The following CNTN4 variants were observed in gnomAD, a reference collection of about 807,000 sequenced individuals.
CNTN4 encodes contactin 4.
A neutral mutation model predicts 122.5 loss-of-function variants in CNTN4; 77 were observed. The observed-to-expected ratio is 0.63, with a 90% CI of 0.52 to 0.76. CNTN4 has a LOEUF of 0.76. Ranked by LOEUF, CNTN4 falls within the 30% of genes least tolerant of loss-of-function variation. CNTN4 has a pLI of 0.00. For synonymous variants in CNTN4, 512 were observed against 447.0 expected (o/e 1.15, Z -1.83); for missense variants, 1,256 against 1,259.1 (o/e 1.00, Z 0.04).
chr3:2,456,630 C>T (rs1324097893), intron 3 of CNTN4, among the ~76,000 whole-genome samples: 3 of 152,110 alleles, frequency 2.0e-5, no homozygotes, highest in Non-Finnish European at 4.4e-5. Flanking sequence ...ATGTAACCTT[C>T]TGTGTCTAGC....
intron 17 of CNTN4, 50 bp downstream of exon 17, chr3:3,034,840 G>C: frequency 4.4e-6 from 7 of 1,582,504 alleles, no homozygotes; most frequent in Non-Finnish European, 6.1e-6. Context: ...CAGCATACTG[G>C]ACACAGCACT....
rs545463892 is a variant in CNTN4 at position 2,115,272 on chromosome 3, G to T, written c.-145+14633G>T. Among the ~76,000 whole-genome samples the T allele has an allele frequency of 2.0e-5, 3 of 152,342 alleles. No homozygotes were observed. The South Asian group carries it at 6.2e-4, about 32-fold the overall frequency. ...ACTGTGTCAGTGTCCTGGCCCCACT[G>T]AACATGGTGTGTGGTCCAATATTAA... On this transcript the variant is annotated intron_variant, in intron 2 of 24. Transcript: ENST00000418658.
intron 3 of CNTN4, among the ~76,000 whole-genome samples, chr3:2,534,808 G>A (rs2077734952): frequency 1.7e-5 from 1 of 59,222 alleles, no homozygotes; most frequent in Non-Finnish European, 4.4e-5. Context: ...CACCAAATGA[G>A]GGAACAATGT....
rs562671935 is a variant in CNTN4 at position 2,101,339 on chromosome 3, C to G, written c.-145+700C>G. ...AAATAAAGCTGCTCAGCAGAAAATT[C>G]CCATGCATGGTACTGACTTTTCTAC... On this transcript the variant is annotated intron_variant, in intron 2 of 24. Coordinates refer to ENST00000418658, the MANE Select transcript of CNTN4 (RefSeq NM_175607.3). 2.0e-3 allele frequency among the ~76,000 whole-genome samples: 307 copies of G among 152,272 alleles called. 3 individuals are homozygous for G. Among genetic ancestry groups the G allele is most frequent in the African/African-American group, 7.0e-3 (291 of 41,562 alleles).
At chr3:2,778,169 G>C (rs1171632168) in intron 6 of CNTN4, among the ~76,000 whole-genome samples, 5 of 140,528 alleles carry the variant, frequency 3.6e-5, no homozygotes, top group Non-Finnish European at 7.7e-5. Flanking sequence ...AGCCGAGATC[G>C]CGCCACTGCA....
intron 4 of CNTN4, among the ~76,000 whole-genome samples, chr3:2,697,622 T>C (rs1211470731): frequency 6.6e-6 from 1 of 152,168 alleles, no homozygotes; most frequent in Non-Finnish European, 1.5e-5. Context: ...TATCAGACAA[T>C]ATATATTTTT....
At chr3:2,330,557 T>C (rs549274160) in intron 2 of CNTN4, among the ~76,000 whole-genome samples, 33 of 152,272 alleles carry the variant, frequency 2.2e-4, no homozygotes, top group Non-Finnish European at 3.7e-4. Context: ...ATATTTCTTA[T>C]TCTAAAGCAC....
At chr3:2,139,702 G>A (rs1265362824) in intron 2 of CNTN4, among the ~76,000 whole-genome samples, 1 of 152,196 alleles carries the variant, frequency 6.6e-6, no homozygotes, top group Non-Finnish European at 1.5e-5. Flanking sequence ...TGGTTGGGGA[G>A]TGTCACACCA....
chr3:2,195,214 T>C (rs186549896), intron 2 of CNTN4, among the ~76,000 whole-genome samples: 2 of 152,352 alleles, frequency 1.3e-5, no homozygotes, highest in Non-Finnish European at 2.9e-5. Context: ...TAGCATGACA[T>C]CCTCCAGATT....
chr3:2,925,416 G>A (rs186395032), intron 12 of CNTN4, among the ~76,000 whole-genome samples: 311 of 152,174 alleles, frequency 2.0e-3, no homozygotes, highest in Admixed American at 3.1e-3. Context: ...ACCTGGGCGT[G>A]GTCATGCGTG....
rs769818216 is a variant in CNTN4 at position 2,745,566 on chromosome 3, G to A, written c.227G>A (p.Arg76His). Residue 76 changes from arginine (R) to histidine (H), a missense_variant, in exon 6 of 25, where the codon CGC becomes CAC. Arg to His is a conservative substitution (Grantham distance 29). Coordinates refer to ENST00000418658, the MANE Select transcript of CNTN4 (RefSeq NM_175607.3). Reference sequence around the variant, plus strand: ...GATGTTGACACTGGTATGGATTTCCGCTACAGTGTTGTTGAAGGGAGCTTG... The same window carrying A: ...GATGTTGACACTGGTATGGATTTCCACTACAGTGTTGTTGAAGGGAGCTTG... ...GTDVDTGMDF[R>H]YSVVEGSLLI... 50 of 1,613,974 alleles carry A rather than the reference G, an allele frequency of 3.1e-5. No homozygotes were observed. The highest frequency in any genetic ancestry group is 8.3e-5 in the Admixed American group (5 of 60,008).
Position 2,448,206 on chromosome 3 carries a change from G to T in CNTN4, c.-89+108973G>T, listed in dbSNP as rs866082709. Among the ~76,000 whole-genome samples, 3 of 152,286 alleles carry T rather than the reference G, an allele frequency of 2.0e-5. No individual in the cohort carries two copies. The Middle Eastern group carries it at 0.01, about 518-fold the overall frequency. The stretch of plus-strand genomic sequence containing the variant: ...GAAGCCTGGTGGGGGAAAAGCTGTG[G>T]GGCACGCAAGAGAAAGAGGTCACAA... On this transcript the variant is annotated intron_variant, in intron 3 of 24. Transcript: ENST00000418658.
intron 2 of CNTN4, among the ~76,000 whole-genome samples, chr3:2,326,485 TACAC>T (rs10557917): frequency 0.032 from 4,083 of 126,028 alleles, 61 homozygotes; most frequent in Middle Eastern, 0.053. Flanking sequence ...CTAATAAATT[TACAC>T]ACACACACAC....
intron 2 of CNTN4, among the ~76,000 whole-genome samples, chr3:2,175,394 C>T (rs776914011): frequency 6.6e-6 from 1 of 151,838 alleles, no homozygotes; most frequent in Non-Finnish European, 1.5e-5. Flanking sequence ...TTTATTTCAA[C>T]AAGGAAAAAA....
intron 4 of CNTN4, among the ~76,000 whole-genome samples, chr3:2,714,602 C>T (rs1244010746): frequency 2.0e-5 from 3 of 152,074 alleles, no homozygotes; most frequent in African/African-American, 7.2e-5. Flanking sequence ...AAAGACAAGG[C>T]AATTATAGGC....
intron 2 of CNTN4, among the ~76,000 whole-genome samples, chr3:2,230,436 A>G (rs1481047963): frequency 6.6e-6 from 1 of 152,184 alleles, no homozygotes; most frequent in Non-Finnish European, 1.5e-5. Context: ...TGGAAACTCA[A>G]ACTTTCTGAT....
chr3:2,660,626 A>G (rs1029264938), intron 4 of CNTN4, among the ~76,000 whole-genome samples: 5 of 152,248 alleles, frequency 3.3e-5, no homozygotes, highest in Admixed American at 2.0e-4. Context: ...TTGAAATTCC[A>G]AGGTCAAATG....
chr3:2,110,877 T>A (rs2032897724), intron 2 of CNTN4, among the ~76,000 whole-genome samples: 1 of 152,182 alleles, frequency 6.6e-6, no homozygotes. Context: ...AATAACCTGC[T>A]TTGATAATAT....
intron 2 of CNTN4, among the ~76,000 whole-genome samples, chr3:2,203,454 A>G (rs534879391): frequency 1.3e-5 from 2 of 152,076 alleles, no homozygotes; most frequent in Admixed American, 6.6e-5. Context: ...CCTTCCTATC[A>G]TATTTCTGGG....
Sources: gnomAD v4.1 joint callset for allele counts (sites outside exome capture counted in the v4.1 genomes callset) on GRCh38, gnomAD v4.1.1 for gene constraint, MANE v1.5 for transcripts, NCBI Gene and HGNC (gene_info 2026-07-23, HGNC 2026-07-21) for gene names.